DNAH1: variants seen among roughly 807,000 people sequenced by gnomAD.
DNAH1 encodes the protein axonemal beta dynein heavy chain 1.
Under a neutral mutation model 484.3 loss-of-function variants are expected in DNAH1, and 327 were observed. The ratio of observed to expected loss-of-function variants is 0.68; its 90% CI spans 0.62 to 0.74. The LOEUF is 0.74. Among genes scored for constraint, DNAH1 ranks in the 30% least tolerant of loss-of-function variants. The pLI, the probability that DNAH1 is intolerant of heterozygous loss-of-function variation, is 0.00. For missense variants in DNAH1, 5,052 were observed against 5,546.8 expected, an observed-to-expected ratio of 0.91 and a Z score of 2.83; for synonymous variants, 2,192 against 2,191.9, an observed-to-expected ratio of 1.00 and a Z score of 0.00.
chr3:52,349,936 G>A, intron 14 of DNAH1, 53 bp from the exon 15 acceptor site: 1 of 1,553,054 alleles, frequency 6.4e-7, no homozygotes, highest in Non-Finnish European at 8.7e-7. Context: ...AGCAGGTGAG[G>A]GAAGGCAAGG....
intron 37 of DNAH1, among the ~76,000 whole-genome samples, 173 bp from the exon 38 acceptor site, chr3:52,369,652 G>A (rs917800368): frequency 2.6e-5 from 4 of 152,076 alleles, no homozygotes; most frequent in Non-Finnish European, 5.9e-5. Flanking sequence ...GGAGAGCCAC[G>A]TTATCAGCTG....
chr3:52,363,040 A>T lies in DNAH1; in HGVS notation c.5140A>T (p.Ile1714Phe), dbSNP rs757596582. The change falls in exon 32 of 78, where the codon ATC becomes TTC. Residue 1714 changes from isoleucine to phenylalanine, a missense_variant. Physicochemically the swap from Ile to Phe is conservative, Grantham distance 21. This residue lies in a region of DNAH1 where 2,929 missense variants were observed against 3,409.4 expected (regional missense o/e 0.86). Coordinates refer to ENST00000420323, the MANE Select transcript of DNAH1 (RefSeq NM_015512.5). Reference sequence around the variant, plus strand: ...CATGATGGTTCCAGATTACGCCATGATCACTGAGATCTCCCTCTATTCCTT... The same window carrying T: ...CATGATGGTTCCAGATTACGCCATGTTCACTGAGATCTCCCTCTATTCCTT... ...VAMMVPDYAMITEISLYSFGF... is the reference protein window; with the variant it reads ...VAMMVPDYAMFTEISLYSFGF... 3 of 1,613,898 alleles carry T rather than the reference A, an allele frequency of 1.9e-6. No homozygotes were observed. The highest frequency in any genetic ancestry group is 2.5e-6 in the Non-Finnish European group (3 of 1,179,890).
Position 52,351,997 on chromosome 3 carries a change from G to A in DNAH1, c.2765G>A (p.Gly922Glu). The A allele has an allele frequency of 6.2e-7, 1 of 1,601,650 alleles. No individual in the cohort carries two copies. Among genetic ancestry groups the A allele is most frequent in the Non-Finnish European group, 8.5e-7 (1 of 1,174,360 alleles). The change falls in exon 17 of 78, where the codon GGG (glycine) becomes GAG (glutamate). Residue 922 changes from glycine to glutamate, a missense_variant. Transcript: ENST00000420323. ...IASNWPSKIL[G>E]QIELVQQQHV... is the part of the protein sequence containing the mutation. ...AGCAACTGGCCTTCTAAGATCCTTGGGCAGATAGAGCTGGTGCAGCAGCAG... is the reference window on the plus strand; with the variant it reads ...AGCAACTGGCCTTCTAAGATCCTTGAGCAGATAGAGCTGGTGCAGCAGCAG...
Position 52,370,766 on chromosome 3 carries a change from G to A in DNAH1, c.6466G>A (p.Glu2156Lys). Reference sequence around the variant, plus strand: ...GGGGCTGGTGTTCGATTACAGGCTGGAGGACGCGGGCATCAGTGGCACCAA... The same window carrying A: ...GGGGCTGGTGTTCGATTACAGGCTGAAGGACGCGGGCATCAGTGGCACCAA... ...EEGLVFDYRL[E>K]DAGISGTNDS... Residue 2156 changes from glutamate (E) to lysine (K), a missense_variant, in exon 41 of 78, where the codon GAG becomes AAG. By Grantham distance (56) the Glu-to-Lys change is moderately conservative. Coordinates refer to ENST00000420323, the MANE Select transcript of DNAH1 (RefSeq NM_015512.5). 1.2e-6 allele frequency: 2 copies of A among 1,608,284 alleles called. No homozygotes were observed. The highest frequency in any genetic ancestry group is 1.7e-6 in the Non-Finnish European group (2 of 1,177,702).
In DNAH1 at chr3:52,398,005, C is replaced by T; in HGVS notation, c.11959-27C>T. 5.6e-6 allele frequency: 9 copies of T among 1,608,570 alleles called. No homozygotes were observed. The South Asian group carries it at 7.8e-5, about 14-fold the overall frequency. On this transcript the variant is annotated intron_variant, in intron 74 of 77. Coordinates refer to ENST00000420323, the MANE Select transcript of DNAH1 (RefSeq NM_015512.5). ...AGGGGATAAGGGGGCCCAGCCTTGA[C>T]CCCACAGTATTCCTTTGCCCCTGCA...
In DNAH1 at chr3:52,381,843, G is replaced by C. The variant is rs755059481; in HGVS notation, c.7805+7G>C. ...CAAGGCTCGCCTCGCACATGTGAGC[G>C]CCTCCAGGGCGTGCTGGGCAGTGGG... On this transcript the variant is annotated splice_region_variant and intron_variant, in intron 49 of 77. Transcript: ENST00000420323. The surrounding 1 kb of genome is among the most constrained non-coding windows in gnomAD (Gnocchi z 4.1). 7 of 1,573,550 alleles carry C rather than the reference G, an allele frequency of 4.4e-6. No homozygotes were observed. Among genetic ancestry groups the C allele is most frequent in the Non-Finnish European group, 4.3e-6 (5 of 1,159,266 alleles).
chr3:52,369,796 C>T, intron 37 of DNAH1, 29 bp from the exon 38 acceptor site: 2 of 1,579,524 alleles, frequency 1.3e-6, no homozygotes, highest in Non-Finnish European at 1.7e-6. Context: ...TGGCAGCCAG[C>T]CCACTCATTT....
At chr3:52,346,928 T>C (rs1457288982) in intron 11 of DNAH1, among the ~76,000 whole-genome samples, 158 bp downstream of exon 11, 1 of 152,226 alleles carries the variant, frequency 6.6e-6, no homozygotes, top group African/African-American at 2.4e-5. Flanking sequence ...GGCAATGTCC[T>C]GCCAGCCCTG....
intron 59 of DNAH1, among the ~76,000 whole-genome samples, chr3:52,389,235 A>G (rs1189923543): frequency 2.6e-5 from 4 of 152,234 alleles, no homozygotes; most frequent in African/African-American, 9.6e-5. Flanking sequence ...TTTAATCCTC[A>G]TAGCCGCCAT....
upstream of DNAH1, among the ~76,000 whole-genome samples, chr3:52,312,864 G>A (rs191118868): frequency 1.9e-3 from 288 of 152,214 alleles, 6 homozygotes; most frequent in East Asian, 1.2e-3. Context: ...GTGTTAGCCA[G>A]GATGGTCTCG....
In DNAH1 at chr3:52,399,792, G is replaced by T; in HGVS notation, c.12676+13G>T. The T allele has an allele frequency of 6.2e-7, 1 of 1,612,208 alleles. No individual in the cohort carries two copies. The highest frequency in any genetic ancestry group is 8.5e-7 in the Non-Finnish European group (1 of 1,178,852). On this transcript the variant is annotated intron_variant, in intron 77 of 77. Coordinates refer to ENST00000420323, the MANE Select transcript of DNAH1 (RefSeq NM_015512.5). ...CTGACTCGTGCTGGTATGAGGCCTG[G>T]GATGGGAGCCTACACTATGGGCGGG... is the stretch of plus-strand genomic sequence containing the variant.
Position 52,395,714 on chromosome 3 carries a change from C to A in DNAH1, c.11259+36C>A. 1 of 1,601,024 alleles carries A rather than the reference C, an allele frequency of 6.2e-7. No individual in the cohort carries two copies. The highest frequency in any genetic ancestry group is 8.5e-7 in the Non-Finnish European group (1 of 1,173,194). On this transcript the variant is annotated intron_variant, in intron 70 of 77. Coordinates refer to ENST00000420323, the MANE Select transcript of DNAH1 (RefSeq NM_015512.5). This position sits in a 1 kb window ranked among gnomAD's most constrained non-coding sequence, Gnocchi z 4.4. ...CTGCCCATCACAGACCCAGTGGGGC[C>A]GCCTCTGCATCCATCAGGGACTAAT...
At chr3:52,374,296 C>T in intron 44 of DNAH1, 1 of 1,532,872 alleles carries the variant, frequency 6.5e-7, no homozygotes, top group Non-Finnish European at 9.0e-7. Context: ...ACAAGATTTT[C>T]TTATTGAAGG....
In DNAH1 at chr3:52,328,011, C is replaced by T; in HGVS notation, c.868C>T (p.His290Tyr). The change falls in exon 6 of 78, where the codon CAT (histidine) becomes TAT (tyrosine). Residue 290 changes from histidine (H) to tyrosine (Y), a missense_variant. His to Tyr is a moderately conservative substitution (Grantham distance 83). Around this residue, in one of 4 missense-constraint regions of DNAH1, gnomAD observed 1,263 missense variants for 1,218.8 expected, o/e 1.04. Transcript: ENST00000420323. ...ALLPTDDFLGHEDPKSQKLKY... is the reference protein window; with the variant it reads ...ALLPTDDFLGYEDPKSQKLKY... ...CTTGCCCACTGATGACTTCCTGGGG[C>T]ATGGTGAGCAAGGCCACTCTGGAGT... 6.2e-7 allele frequency: 1 copy of T among 1,613,508 alleles called. No homozygotes were observed. Among genetic ancestry groups the T allele is most frequent in the Non-Finnish European group, 8.5e-7 (1 of 1,179,550 alleles).
rs759859063 is a variant in DNAH1, at chr3:52,361,164, G to C, written c.4686G>C (p.Arg1562Ser). The C allele has an allele frequency of 6.3e-7, 1 of 1,595,138 alleles. No homozygotes were observed. Among genetic ancestry groups the C allele is most frequent in the Admixed American group, 1.8e-5 (1 of 57,120 alleles). ...AGCCCACCTCCTCTGTCTCCTGCAG[G>C]TGCTACCTGACACTGACCGGAGCTC... ...GRLVITPLTDRCYLTLTGALH... is the reference protein window; with the variant it reads ...GRLVITPLTDSCYLTLTGALH... The change falls in exon 29 of 78, where the codon AGG becomes AGC. Residue 1562 changes from arginine to serine, a missense_variant and splice_region_variant. Arg to Ser is a moderately radical substitution (Grantham distance 110). Around this residue, in one of 4 missense-constraint regions of DNAH1, gnomAD observed 2,929 missense variants for 3,409.4 expected, o/e 0.86. Transcript: ENST00000420323. The surrounding 1 kb of genome is among the most constrained non-coding windows in gnomAD (Gnocchi z 5.6).
At chr3:52,388,692 G>A (rs1704226277) in intron 58 of DNAH1, 83 bp downstream of exon 58, 1 of 1,606,680 alleles carries the variant, frequency 6.2e-7, no homozygotes, top group Admixed American at 1.7e-5. Context: ...GGTGGGTCCT[G>A]GGGTGGCTGT....
Position 52,346,596 on chromosome 3 carries a change from C to T in DNAH1, c.1781C>T (p.Ser594Phe). 1 of 1,614,064 alleles carries T rather than the reference C, an allele frequency of 6.2e-7. No individual in the cohort carries two copies. The highest frequency in any genetic ancestry group is 8.5e-7 in the Non-Finnish European group (1 of 1,179,898). Reference protein sequence around the residue: ...YETNWEVYLMSKLRKLMELVK... With the variant: ...YETNWEVYLMFKLRKLMELVK... ...ACCAACTGGGAGGTGTACCTCATGTCCAAGCTGCGCAAGCTGATGGAGCTG... is the reference window on the plus strand; with the variant it reads ...ACCAACTGGGAGGTGTACCTCATGTTCAAGCTGCGCAAGCTGATGGAGCTG... The change falls in exon 11 of 78, where the codon TCC (serine) becomes TTC (phenylalanine). Residue 594 changes from serine (S) to phenylalanine (F), a missense_variant. Around this residue, in one of 4 missense-constraint regions of DNAH1, gnomAD observed 1,263 missense variants for 1,218.8 expected, o/e 1.04. Transcript: ENST00000420323.
chr3:52,382,594 G>C, intron 50 of DNAH1, 139 bp downstream of exon 50: 1 of 1,393,070 alleles, frequency 7.2e-7, no homozygotes. Flanking sequence ...CCAGGACCAG[G>C]TGGGGCCACA....
Position 52,365,053 on chromosome 3 carries a change from C to T in DNAH1, c.5518+34C>T, listed in dbSNP as rs756021983. The T allele has an allele frequency of 2.4e-5, 38 of 1,582,874 alleles. 1 individual carries two copies. Among genetic ancestry groups the T allele is most frequent in the Non-Finnish European group, 3.2e-5 (37 of 1,160,408 alleles). ...CGGGCCCTGAGTGTTCGTGGAGGGGCTGGCCATGGCCACCTTGGAGTCCAG... is the reference window on the plus strand; with the variant it reads ...CGGGCCCTGAGTGTTCGTGGAGGGGTTGGCCATGGCCACCTTGGAGTCCAG... On this transcript the variant is annotated intron_variant, in intron 34 of 77. Transcript: ENST00000420323.
Sources: allele counts gnomAD v4.1 joint callset (sites outside exome capture counted in the v4.1 genomes callset), GRCh38; gene constraint gnomAD v4.1.1; regional missense constraint gnomAD v4.1.1; non-coding constraint Gnocchi (gnomAD v3.1); transcripts MANE v1.5; gene names NCBI Gene and HGNC (gene_info 2026-07-23, HGNC 2026-07-21).